The following CARMIL1 variants were observed in gnomAD, a reference collection of about 807,000 sequenced individuals.
The protein encoded by CARMIL1 is F-actin-uncapping protein LRRC16A.
A neutral mutation model predicts 177.1 loss-of-function variants in CARMIL1; 90 were observed. The ratio of observed to expected loss-of-function variants is 0.51; its 90% CI spans 0.43 to 0.61. The LOEUF is 0.61. Among genes scored for constraint, CARMIL1 ranks in the 20% least tolerant of loss-of-function variants. The pLI is 0.00. For synonymous variants in CARMIL1, 577 were observed against 606.2 expected, an observed-to-expected ratio of 0.95 and a Z score of 0.71; for missense variants, 1,380 against 1,667.0, an observed-to-expected ratio of 0.83 and a Z score of 3.00.
At chr6:25,543,231 A>G (rs997367665) in intron 26 of CARMIL1, among the ~76,000 whole-genome samples, 1 of 152,152 alleles carries the variant, frequency 6.6e-6, no homozygotes, top group African/African-American at 2.4e-5. Flanking sequence ...ATTTGATCAT[A>G]CTGTACCATG....
intron 32 of CARMIL1, among the ~76,000 whole-genome samples, chr6:25,597,516 C>G (rs915887248): frequency 4.6e-5 from 7 of 152,180 alleles, no homozygotes; most frequent in African/African-American, 1.7e-4. Flanking sequence ...ATTCCTTTCA[C>G]TGACTTATCT....
chr6:25,467,946 C>T (rs1378534596), intron 9 of CARMIL1, among the ~76,000 whole-genome samples: 3 of 152,092 alleles, frequency 2.0e-5, no homozygotes, highest in African/African-American at 7.2e-5. Flanking sequence ...TGGGCAGTCT[C>T]AGAGCACTGT....
Position 25,353,183 on chromosome 6 carries a change from TATG to T in CARMIL1, c.139-66928_139-66926del, listed in dbSNP as rs376084297. On this transcript the variant is annotated intron_variant, in intron 2 of 36. Transcript: ENST00000329474. ...CGTAAATTATGATTATCTTAAATAATATGATATCTATAATTGTAATAATAGAAG... is the reference window on the plus strand; with the variant it reads ...CGTAAATTATGATTATCTTAAATAATATATCTATAATTGTAATAATAGAAG... Among the ~76,000 whole-genome samples, 864 of 152,336 alleles carry T rather than the reference TATG, an allele frequency of 5.7e-3. 8 individuals carry two copies. Among genetic ancestry groups the T allele is most frequent in the African/African-American group, 0.02 (813 of 41,568 alleles).
At chr6:25,576,433 G>T (rs893436632) in intron 29 of CARMIL1, among the ~76,000 whole-genome samples, 1 of 151,774 alleles carries the variant, frequency 6.6e-6, no homozygotes, top group Non-Finnish European at 1.5e-5. Context: ...AGAGGCAAAA[G>T]AATTCAAAGC....
In CARMIL1 at chr6:25,567,243, G is replaced by A. The variant is rs569428883; in HGVS notation, c.2742+10393G>A. 5.9e-5 allele frequency among the ~76,000 whole-genome samples: 9 copies of A among 152,360 alleles called. No homozygotes were observed. The East Asian group carries it at 1.7e-3, about 29-fold the overall frequency. On this transcript the variant is annotated intron_variant, in intron 29 of 36. Coordinates refer to ENST00000329474, the MANE Select transcript of CARMIL1 (RefSeq NM_017640.6). ...CAGGAGAGGTTTGTGGTGGGAAAGA[G>A]CCTTTGCACTGAGGGCTTACACTGA...
intron 29 of CARMIL1, among the ~76,000 whole-genome samples, chr6:25,569,289 G>A (rs1028250653): frequency 2.0e-5 from 3 of 152,162 alleles, no homozygotes; most frequent in African/African-American, 7.2e-5. Context: ...TGAGCATGAT[G>A]AAAATCTTGG....
rs1469192241 is a variant in CARMIL1, at chr6:25,465,527, A to C, written c.615-346A>C. On this transcript the variant is annotated intron_variant, in intron 8 of 36. Transcript: ENST00000329474. ...AAAGTGGGACCCTGTCTCAAAAAAAAAAAAAGATTTTATGAAGGAGAGATC... is the reference window on the plus strand; with the variant it reads ...AAAGTGGGACCCTGTCTCAAAAAAACAAAAAGATTTTATGAAGGAGAGATC... 8 of 189,696 alleles carry C rather than the reference A, an allele frequency of 4.2e-5. No homozygotes were observed. The East Asian group carries it at 8.0e-4, about 19-fold the overall frequency. The allele number at this position is 189,696 out of a possible 1,614,324, so 11.8% of individuals were successfully genotyped here. A position where few individuals can be genotyped will look rare whatever the true frequency, so the allele number is the denominator to read the frequency against.
intron 2 of CARMIL1, among the ~76,000 whole-genome samples, chr6:25,381,381 C>A (rs1402345213): frequency 6.6e-6 from 1 of 152,162 alleles, no homozygotes; most frequent in Non-Finnish European, 1.5e-5. Context: ...TTTTTCCACA[C>A]CAACAACCAA....
intron 12 of CARMIL1, among the ~76,000 whole-genome samples, chr6:25,483,128 A>G (rs1802279817): frequency 6.6e-6 from 1 of 152,150 alleles, no homozygotes; most frequent in Non-Finnish European, 1.5e-5. Context: ...TTGCATAAAT[A>G]TTGTGTCTTT....
chr6:25,433,747 CGTT>C (rs1390217133), intron 4 of CARMIL1, among the ~76,000 whole-genome samples: 1 of 152,128 alleles, frequency 6.6e-6, no homozygotes, highest in Non-Finnish European at 1.5e-5. Context: ...ATCAAATACT[CGTT>C]GACAGATTCT....
chr6:25,322,365 C>T (rs2690113), intron 2 of CARMIL1, among the ~76,000 whole-genome samples: 30,592 of 152,184 alleles, frequency 0.2, 3,155 homozygotes, highest in African/African-American at 0.22. Context: ...TCAAGTGATC[C>T]GCCTGCCTCA....
chr6:25,568,550 G>A (rs760704337), intron 29 of CARMIL1, among the ~76,000 whole-genome samples: 1 of 152,108 alleles, frequency 6.6e-6, no homozygotes, highest in Non-Finnish European at 1.5e-5. Context: ...AGCCAGAGCC[G>A]AGCTGTAGGG....
chr6:25,450,210 T>G, intron 6 of CARMIL1, 129 bp from the exon 7 acceptor site: 1 of 751,732 alleles, frequency 1.3e-6, no homozygotes, highest in African/African-American at 1.7e-5. Flanking sequence ...GGAGAATCTT[T>G]GCTGTTTTCC....
chr6:25,314,772 T>C (rs1784145087), intron 2 of CARMIL1, among the ~76,000 whole-genome samples: 1 of 152,172 alleles, frequency 6.6e-6, no homozygotes, highest in South Asian at 2.1e-4. Flanking sequence ...ATGGATGTAC[T>C]CTGTATAGAT....
intron 35 of CARMIL1, among the ~76,000 whole-genome samples, chr6:25,607,275 T>C (rs988375423): frequency 1.3e-5 from 2 of 151,926 alleles, no homozygotes; most frequent in African/African-American, 4.8e-5. Flanking sequence ...AAAAGTAGGA[T>C]AGGTAATATA....
intron 34 of CARMIL1, among the ~76,000 whole-genome samples, chr6:25,605,617 CA>C (rs1341840398): frequency 6.6e-6 from 1 of 152,166 alleles, no homozygotes; most frequent in Non-Finnish European, 1.5e-5. Flanking sequence ...CAGCCGTCAG[CA>C]TCACCCTCCT....
At chr6:25,559,518 T>TC (rs1810927617) in intron 29 of CARMIL1, among the ~76,000 whole-genome samples, 1 of 151,982 alleles carries the variant, frequency 6.6e-6, no homozygotes, top group Admixed American at 6.6e-5. Context: ...ACGCAACCTT[T>TC]CCCTCATGGA....
At position 25,379,984 on chromosome 6, in the gene CARMIL1, C is replaced by T. The variant is rs531176770; in HGVS notation, c.139-40130C>T. ...CACTTTTTTTCTTTCCTTTTCTTAC[C>T]TCCATGGAATTTATTCTGCTCTTTA... On this transcript the variant is annotated intron_variant, in intron 2 of 36. Coordinates refer to ENST00000329474, the MANE Select transcript of CARMIL1 (RefSeq NM_017640.6). 2.0e-5 allele frequency among the ~76,000 whole-genome samples: 3 copies of T among 152,010 alleles called. No homozygotes were observed. In the East Asian group the frequency reaches 5.8e-4, roughly 29 times the overall value.
At chr6:25,450,772 C>T in intron 8 of CARMIL1, 61 bp downstream of exon 8, 1 of 325,828 alleles carries the variant, frequency 3.1e-6, no homozygotes, top group Non-Finnish European at 5.5e-6. Flanking sequence ...CCCTTCCTCC[C>T]TCCCCTCCCT....
Sources: allele counts gnomAD v4.1 joint callset (sites outside exome capture counted in the v4.1 genomes callset), GRCh38; gene constraint gnomAD v4.1.1; transcripts MANE v1.5; gene names NCBI Gene and HGNC (gene_info 2026-07-23, HGNC 2026-07-21).